The following PTPRG variants were observed in gnomAD, a reference collection of about 807,000 sequenced individuals.
PTPRG encodes receptor-type tyrosine-protein phosphatase gamma.
Under a neutral mutation model 165.3 loss-of-function variants are expected in PTPRG, and 102 were observed. The observed-to-expected ratio is 0.62, with a 90% confidence interval of 0.53 to 0.73. PTPRG has a LOEUF of 0.73. Ranked by LOEUF, PTPRG falls within the 30% of genes least tolerant of loss-of-function variation. The pLI is 0.00. For missense variants in PTPRG, 1,866 were observed against 1,861.4 expected (o/e 1.00, Z -0.05); for synonymous variants, 675 against 669.5 (o/e 1.01, Z -0.13).
intron 4 of PTPRG, among the ~76,000 whole-genome samples, chr3:62,052,049 G>T (rs779139027): frequency 2.0e-5 from 3 of 152,306 alleles, no homozygotes; most frequent in South Asian, 4.1e-4. Flanking sequence ...AATCAGATCT[G>T]ACATGGAGCT....
chr3:61,813,537 GA>G lies in PTPRG; in HGVS notation c.190+64559del, dbSNP rs760105176. ...TCTCAAAAAAAAAAAAAAGAAAAAA[GA>G]AAATCTGTGTGTGTGTGTGTGTGTG... is the stretch of plus-strand genomic sequence containing the variant. On this transcript the variant is annotated intron_variant, in intron 2 of 29. Coordinates refer to ENST00000474889, the MANE Select transcript of PTPRG (RefSeq NM_002841.4). Among the ~76,000 whole-genome samples the G allele has an allele frequency of 1.3e-3, 149 of 116,388 alleles. 2 individuals are homozygous for G. The Middle Eastern group carries it at 0.013, about 10-fold the overall frequency. 76.4% of individuals were successfully genotyped at this position (116,388 alleles called of 152,430 possible).
At chr3:62,036,694 A>G (rs1699950340) in intron 4 of PTPRG, among the ~76,000 whole-genome samples, 1 of 152,180 alleles carries the variant, frequency 6.6e-6, no homozygotes, top group Admixed American at 6.5e-5. Flanking sequence ...CCCTAGTGCA[A>G]TTTTATTGAG....
intron 2 of PTPRG, among the ~76,000 whole-genome samples, chr3:61,844,632 C>G (rs2036752065): frequency 6.6e-6 from 1 of 150,832 alleles, no homozygotes; most frequent in Non-Finnish European, 1.5e-5. Context: ...GTTGATGGGA[C>G]TATAGGTGTA....
intron 2 of PTPRG, among the ~76,000 whole-genome samples, chr3:61,922,753 G>T (rs369530661): frequency 1.2e-4 from 18 of 152,290 alleles, no homozygotes; most frequent in African/African-American, 4.3e-4. Flanking sequence ...TGATCGTCCT[G>T]CTTCAGCCTC....
chr3:61,741,330 A>T (rs1025790882), intron 1 of PTPRG, among the ~76,000 whole-genome samples: 2 of 152,136 alleles, frequency 1.3e-5, no homozygotes, highest in Non-Finnish European at 2.9e-5. Flanking sequence ...TAGTTGGCTT[A>T]TGTTTTGGCA....
intron 1 of PTPRG, among the ~76,000 whole-genome samples, chr3:61,685,998 C>T (rs1012300352): frequency 3.3e-5 from 5 of 152,124 alleles, no homozygotes; most frequent in Non-Finnish European, 4.4e-5. Context: ...GTGGGAGCGC[C>T]GTGCTTCTGA....
intron 1 of PTPRG, among the ~76,000 whole-genome samples, chr3:61,650,160 T>C (rs553782420): frequency 5.9e-5 from 9 of 152,134 alleles, no homozygotes; most frequent in Non-Finnish European, 1.2e-4. Flanking sequence ...GTGATACATA[T>C]TGAATGTGTG....
chr3:61,785,674 A>G (rs902256805), intron 2 of PTPRG, among the ~76,000 whole-genome samples: 6 of 152,198 alleles, frequency 3.9e-5, no homozygotes, highest in Admixed American at 6.5e-5. Flanking sequence ...TCTGTGTCGA[A>G]TTGAAAGCAT....
intron 1 of PTPRG, among the ~76,000 whole-genome samples, chr3:61,644,883 A>G (rs1702159881): frequency 1.3e-5 from 2 of 152,190 alleles, no homozygotes; most frequent in Admixed American, 1.3e-4. Context: ...TTAAAGTCAA[A>G]TCCAACAAGA....
intron 4 of PTPRG, among the ~76,000 whole-genome samples, chr3:62,075,076 C>G (rs905032498): frequency 4.6e-5 from 7 of 152,130 alleles, no homozygotes; most frequent in African/African-American, 1.7e-4. Flanking sequence ...TGCTACTGTC[C>G]TTTTTATGAG....
intron 1 of PTPRG, among the ~76,000 whole-genome samples, chr3:61,728,989 G>A (rs1002007458): frequency 7.9e-5 from 12 of 152,038 alleles, no homozygotes; most frequent in African/African-American, 1.9e-4. Flanking sequence ...TTGAGTTTGG[G>A]AGGTTGAGGC....
At position 61,973,833 on chromosome 3, in the gene PTPRG, AAAATAAAT is replaced by A. The variant is rs147291562; in HGVS notation, c.191-15772_191-15765del. On this transcript the variant is annotated intron_variant, in intron 2 of 29. Transcript: ENST00000474889. ...TGGTGACAGAGCGAGACTCCATTTC[AAAATAAAT>A]AAATAAATAAATAAATAAAAGATTG... Among the ~76,000 whole-genome samples the A allele has an allele frequency of 6.1e-4, 92 of 150,278 alleles. No individual in the cohort carries two copies. In the Middle Eastern group the frequency reaches 0.01, roughly 17 times the overall value.
chr3:62,082,306 T>G (rs1255013339), intron 5 of PTPRG, among the ~76,000 whole-genome samples: 1 of 152,224 alleles, frequency 6.6e-6, no homozygotes, highest in Non-Finnish European at 1.5e-5. Flanking sequence ...TGCTTAGATA[T>G]GAAGTTCATA....
chr3:62,249,491 G>A (rs540714992), intron 15 of PTPRG, among the ~76,000 whole-genome samples: 1 of 152,164 alleles, frequency 6.6e-6, no homozygotes, highest in East Asian at 1.9e-4. Context: ...ATGGAGATTT[G>A]GTCGGAATTT....
intron 2 of PTPRG, among the ~76,000 whole-genome samples, chr3:61,773,994 G>C (rs1230800598): frequency 6.6e-6 from 1 of 152,014 alleles, no homozygotes; most frequent in African/African-American, 2.4e-5. Flanking sequence ...AGGTTGGTCT[G>C]AAACTCCTGA....
intron 1 of PTPRG, among the ~76,000 whole-genome samples, chr3:61,659,075 T>C (rs1426976389): frequency 6.6e-6 from 1 of 152,114 alleles, no homozygotes; most frequent in African/African-American, 2.4e-5. Flanking sequence ...GTTCCCCTTT[T>C]TGGACAGTGC....
chr3:62,074,211 G>A (rs541353476), intron 4 of PTPRG, among the ~76,000 whole-genome samples: 2 of 150,926 alleles, frequency 1.3e-5, no homozygotes, highest in African/African-American at 4.9e-5. Flanking sequence ...GTGTGTGTGT[G>A]TATACAGAGA....
intron 2 of PTPRG, among the ~76,000 whole-genome samples, chr3:61,816,035 G>T (rs1362928645): frequency 6.6e-6 from 1 of 152,158 alleles, no homozygotes; most frequent in Non-Finnish European, 1.5e-5. Context: ...GGTCTTCCCT[G>T]CCTGCTGTTG....
chr3:61,763,309 C>T (rs1405805364), intron 2 of PTPRG, among the ~76,000 whole-genome samples: 1 of 151,884 alleles, frequency 6.6e-6, no homozygotes, highest in Non-Finnish European at 1.5e-5. Flanking sequence ...ATGATCTTGG[C>T]TCACTGCAAC....
Sources: allele counts gnomAD v4.1 joint callset (sites outside exome capture counted in the v4.1 genomes callset), GRCh38; gene constraint gnomAD v4.1.1; transcripts MANE v1.5; gene names NCBI Gene and HGNC (gene_info 2026-07-23, HGNC 2026-07-21).